GALNT13: variants seen among roughly 807,000 people sequenced by gnomAD.
The protein encoded by GALNT13 is polypeptide N-acetylgalactosaminyltransferase 13.
In GALNT13, 28 loss-of-function variants were observed where a neutral mutation model predicts 64.2. That is an observed-to-expected ratio of 0.44 (90% confidence interval 0.32 to 0.60). GALNT13 has a LOEUF of 0.60. Ranked by LOEUF, GALNT13 falls within the 20% of genes least tolerant of loss-of-function variation. GALNT13 has a pLI of 0.05. For missense variants in GALNT13, 577 were observed against 669.8 expected (o/e 0.86, Z 1.53); for synonymous variants, 214 against 224.6 (o/e 0.95, Z 0.42).
At chr2:153,586,972 C>A in the GALNT13 span, among the ~76,000 whole-genome samples, 1 of 151,958 alleles carries the variant, frequency 6.6e-6, no homozygotes, top group African/African-American at 2.4e-5. Context: ...TGGCTCAAGC[C>A]TGTAATATTA....
chr2:154,184,037 T>C (rs544513124), intron 4 of GALNT13, among the ~76,000 whole-genome samples: 15 of 151,966 alleles, frequency 9.9e-5, no homozygotes, highest in South Asian at 6.2e-4. Context: ...TCACTTGTTA[T>C]AACCTTATCA....
the GALNT13 span, among the ~76,000 whole-genome samples, chr2:153,394,851 T>C: frequency 5.9e-5 from 9 of 152,192 alleles, no homozygotes; most frequent in Non-Finnish European, 1.5e-5. Context: ...GTCAGGATTC[T>C]GGCACGTTTT....
At chr2:153,272,834 C>G in the GALNT13 span, among the ~76,000 whole-genome samples, 10 of 151,688 alleles carry the variant, frequency 6.6e-5, no homozygotes. Flanking sequence ...TATTGCAGCA[C>G]TATTCACAAT....
intron 4 of GALNT13, among the ~76,000 whole-genome samples, chr2:154,211,364 C>G (rs1412011821): frequency 6.6e-6 from 1 of 151,930 alleles, no homozygotes; most frequent in Non-Finnish European, 1.5e-5. Flanking sequence ...CAGTGGCTCA[C>G]ACCTGTAATC....
the GALNT13 span, among the ~76,000 whole-genome samples, chr2:153,749,681 G>A: frequency 2.6e-5 from 4 of 151,954 alleles, no homozygotes; most frequent in African/African-American, 7.2e-5. Flanking sequence ...TTTGTATGTT[G>A]ATTTTGCATC....
At chr2:154,236,255 G>C in intron 4 of GALNT13, 1 of 741,218 alleles carries the variant, frequency 1.3e-6, no homozygotes, top group Non-Finnish European at 1.7e-6. Flanking sequence ...TAAAATGTTG[G>C]CATAAGCCTA....
chr2:153,648,720 T>C, the GALNT13 span, among the ~76,000 whole-genome samples: 9 of 151,992 alleles, frequency 5.9e-5, no homozygotes, highest in Admixed American at 4.6e-4. Context: ...TCTATTGAGA[T>C]GATCATGTGG....
chr2:154,192,870 T>A (rs182810406), intron 4 of GALNT13, among the ~76,000 whole-genome samples: 8 of 152,358 alleles, frequency 5.3e-5, no homozygotes, highest in African/African-American at 1.9e-4. Flanking sequence ...GTTTCAATAT[T>A]TTAGAAGCAC....
rs537544612 is a variant in GALNT13, at chr2:154,398,836, A to G, written c.1296+2706A>G. On this transcript the variant is annotated intron_variant, in intron 10 of 12. Coordinates refer to ENST00000392825, the MANE Select transcript of GALNT13 (RefSeq NM_052917.4). ...ACCAGTAGTTACACTTATTATATCT[A>G]CCATTTATTGATTTCCTATGCCAAC... 7.3e-4 allele frequency among the ~76,000 whole-genome samples: 111 copies of G among 152,356 alleles called. 1 individual carries two copies. Among genetic ancestry groups the G allele is most frequent in the African/African-American group, 2.5e-3 (102 of 41,576 alleles).
intron 3 of GALNT13, among the ~76,000 whole-genome samples, chr2:154,009,962 G>A (rs1696518269): frequency 6.6e-6 from 1 of 152,070 alleles, no homozygotes; most frequent in African/African-American, 2.4e-5. Context: ...ACTCAGTTTG[G>A]ACATTGCTGG....
chr2:153,307,038 T>C, the GALNT13 span, among the ~76,000 whole-genome samples: 871 of 152,356 alleles, frequency 5.7e-3, 7 homozygotes, highest in African/African-American at 0.019. Context: ...ACCCAGCTCA[T>C]GCTTTTTTCG....
the GALNT13 span, among the ~76,000 whole-genome samples, chr2:153,400,210 T>C: frequency 1.3e-5 from 2 of 151,962 alleles, no homozygotes; most frequent in East Asian, 1.9e-4. Context: ...TGGCTCTGTT[T>C]ATATGCTGGA....
At chr2:153,248,390 G>GT in the GALNT13 span, among the ~76,000 whole-genome samples, 1 of 152,096 alleles carries the variant, frequency 6.6e-6, no homozygotes, top group Admixed American at 6.6e-5. Flanking sequence ...CATCCCTGGG[G>GT]TGCAAGGCTG....
chr2:153,090,277 G>A, the GALNT13 span, among the ~76,000 whole-genome samples: 1 of 152,174 alleles, frequency 6.6e-6, no homozygotes, highest in South Asian at 2.1e-4. Flanking sequence ...GGTAGGGAAT[G>A]TCTACAAAGA....
chr2:154,348,303 T>A (rs903878145), intron 9 of GALNT13, among the ~76,000 whole-genome samples: 13 of 152,090 alleles, frequency 8.5e-5, no homozygotes, highest in Non-Finnish European at 1.3e-4. Flanking sequence ...CCTACCCAAA[T>A]GAATGGCTAC....
the GALNT13 span, chr2:153,478,792 T>A: frequency 2.1e-6 from 1 of 473,450 alleles, no homozygotes; most frequent in Non-Finnish European, 3.8e-6. Context: ...CTGGTGGTGC[T>A]CGTTCCCGGC....
chr2:153,089,260 TG>T, the GALNT13 span, among the ~76,000 whole-genome samples: 1 of 152,200 alleles, frequency 6.6e-6, no homozygotes, highest in East Asian at 1.9e-4. Flanking sequence ...ACAAAATTCT[TG>T]GCTGACCATT....
intron 9 of GALNT13, among the ~76,000 whole-genome samples, chr2:154,378,504 A>G (rs1312407947): frequency 6.6e-6 from 1 of 152,190 alleles, no homozygotes; most frequent in African/African-American, 2.4e-5. Flanking sequence ...TAGTTTACAC[A>G]TGCACAGAAT....
intron 3 of GALNT13, among the ~76,000 whole-genome samples, chr2:154,069,161 T>C (rs1393367517): frequency 1.3e-5 from 2 of 151,966 alleles, no homozygotes; most frequent in Non-Finnish European, 2.9e-5. Flanking sequence ...CAAAAATAAA[T>C]ATTATTTAGA....
Sources: gnomAD v4.1 joint callset for allele counts (sites outside exome capture counted in the v4.1 genomes callset) on GRCh38, gnomAD v4.1.1 for gene constraint, MANE v1.5 for transcripts, NCBI Gene and HGNC (gene_info 2026-07-23, HGNC 2026-07-21) for gene names.